Variants in PDS5B observed in about 807,000 individuals in gnomAD.
PDS5B encodes sister chromatid cohesion protein PDS5 homolog B.
In PDS5B, 51 loss-of-function variants were observed where a neutral mutation model predicts 184.1. That is an observed-to-expected ratio of 0.28 (90% CI 0.22 to 0.35). The LOEUF (loss-of-function observed/expected upper bound fraction) is 0.35, where lower values mean the gene tolerates loss of function less well. PDS5B is among the 10% of genes least tolerant of loss of function. The probability of loss-of-function intolerance (pLI) is 1.00; values close to 1 mark genes in which losing one functional copy is unlikely to be tolerated. For missense variants in PDS5B, 1,180 were observed against 1,723.3 expected (o/e 0.68, Z 5.58); for synonymous variants, 566 against 569.2 (o/e 0.99, Z 0.08).
intron 9 of PDS5B, among the ~76,000 whole-genome samples, chr13:32,678,498 C>T (rs1951132927): frequency 6.6e-6 from 1 of 152,154 alleles, no homozygotes; most frequent in Admixed American, 6.5e-5. Flanking sequence ...TTTCTATGAA[C>T]TATATATGCA....
chr13:32,618,076 C>A (rs926153488), intron 1 of PDS5B, among the ~76,000 whole-genome samples: 1 of 152,142 alleles, frequency 6.6e-6, no homozygotes, highest in African/African-American at 2.4e-5. Context: ...GATAGCCAAA[C>A]GCTGGCTGCC....
chr13:32,603,229 T>C (rs1236874618), intron 1 of PDS5B, among the ~76,000 whole-genome samples: 23 of 152,262 alleles, frequency 1.5e-4, no homozygotes, highest in Admixed American at 1.5e-3. Context: ...TGGTTTTAGG[T>C]CTAACATTTA....
intron 23 of PDS5B, 47 bp from the exon 24 acceptor site, chr13:32,745,930 A>G (rs1953727646): frequency 6.8e-7 from 1 of 1,471,104 alleles, no homozygotes; most frequent in Non-Finnish European, 9.4e-7. Flanking sequence ...AAGATTTTGT[A>G]CAAATATTTT....
At chr13:32,602,751 A>G (rs2140487167) in intron 1 of PDS5B, among the ~76,000 whole-genome samples, 1 of 152,226 alleles carries the variant, frequency 6.6e-6, no homozygotes, top group South Asian at 2.1e-4. Context: ...CATCCTCTCT[A>G]GCACCTGTTG....
Position 32,770,436 on chromosome 13 carries a change from G to C in PDS5B, c.3940G>C (p.Gly1314Arg), listed in dbSNP as rs990938133. The C allele has an allele frequency of 6.2e-7, 1 of 1,611,644 alleles. No homozygotes were observed. The highest frequency in any genetic ancestry group is 8.5e-7 in the Non-Finnish European group (1 of 1,179,108). Residue 1314 changes from glycine (G) to arginine (R), a missense_variant, in exon 32 of 35, where the codon GGA becomes CGA. Transcript: ENST00000315596. Reference protein sequence around the residue: ...EEPTMKTSKKGSKKKSGPPAP... With the variant: ...EEPTMKTSKKRSKKKSGPPAP... ...GCCAACAATGAAAACTTCTAAAAAA[G>C]GAAGCAAAAAAAAATCTGGACCTCC... is the stretch of plus-strand genomic sequence containing the variant.
intron 33 of PDS5B, among the ~76,000 whole-genome samples, chr13:32,772,946 G>A (rs1387733543): frequency 6.6e-6 from 1 of 152,034 alleles, no homozygotes; most frequent in Non-Finnish European, 1.5e-5. Context: ...GAAAGGAAGA[G>A]CAGACTTTAG....
chr13:32,773,094 G>C, intron 33 of PDS5B, 95 bp from the exon 34 acceptor site: 1 of 1,020,802 alleles, frequency 9.8e-7, no homozygotes, highest in Non-Finnish European at 1.4e-6. Flanking sequence ...GGGTAAAGAT[G>C]ATATGACGAT....
intron 8 of PDS5B, among the ~76,000 whole-genome samples, chr13:32,674,332 T>C (rs967450094): frequency 6.6e-6 from 1 of 152,184 alleles, no homozygotes; most frequent in South Asian, 2.1e-4. Flanking sequence ...CAGTCCACAT[T>C]GGTAATGTGA....
chr13:32,710,566 G>C (rs773897504), intron 19 of PDS5B, among the ~76,000 whole-genome samples: 17 of 152,216 alleles, frequency 1.1e-4, no homozygotes, highest in Non-Finnish European at 1.8e-4. Context: ...CTGTGTTCCA[G>C]TATTTCCCAT....
intron 19 of PDS5B, among the ~76,000 whole-genome samples, chr13:32,710,676 A>G (rs939912914): frequency 2.0e-5 from 3 of 152,182 alleles, no homozygotes; most frequent in South Asian, 4.1e-4. Flanking sequence ...TTACTTCTCT[A>G]TGTATATCTC....
At chr13:32,665,551 T>C (rs1464582756) in intron 6 of PDS5B, among the ~76,000 whole-genome samples, 1 of 117,396 alleles carries the variant, frequency 8.5e-6, no homozygotes, top group Non-Finnish European at 1.6e-5. Context: ...ATTGTTCCAC[T>C]GCACTCCATC....
intron 1 of PDS5B, among the ~76,000 whole-genome samples, chr13:32,645,230 G>A (rs1042204591): frequency 5.3e-5 from 8 of 152,160 alleles, no homozygotes; most frequent in Non-Finnish European, 1.2e-4. Context: ...CAGTCTTACT[G>A]CCTCAGCCTT....
chr13:32,589,033 G>C (rs749123596), intron 1 of PDS5B, among the ~76,000 whole-genome samples: 14 of 152,148 alleles, frequency 9.2e-5, no homozygotes, highest in Non-Finnish European at 1.8e-4. Context: ...GTATGATTTG[G>C]CATACGGACT....
At chr13:32,733,259 A>G (rs1953187733) in intron 20 of PDS5B, among the ~76,000 whole-genome samples, 1 of 152,166 alleles carries the variant, frequency 6.6e-6, no homozygotes, top group Non-Finnish European at 1.5e-5. Flanking sequence ...TTATCTTTAC[A>G]AGAACCTCTG....
intron 14 of PDS5B, among the ~76,000 whole-genome samples, chr13:32,695,406 A>T (rs1305757930): frequency 6.6e-6 from 1 of 151,966 alleles, no homozygotes; most frequent in East Asian, 1.9e-4. Context: ...TTAAATTAGT[A>T]TGTTTAGCCA....
At chr13:32,674,279 G>A (rs923375671) in intron 8 of PDS5B, among the ~76,000 whole-genome samples, 2 of 152,120 alleles carry the variant, frequency 1.3e-5, no homozygotes, top group Non-Finnish European at 2.9e-5. Flanking sequence ...GTTCTTAAAT[G>A]ATGTTTGTGT....
intron 21 of PDS5B, among the ~76,000 whole-genome samples, chr13:32,737,979 C>T (rs1484813330): frequency 2.0e-5 from 3 of 152,126 alleles, no homozygotes; most frequent in African/African-American, 7.2e-5. Flanking sequence ...ATATCATACC[C>T]TGTATAGTCT....
chr13:32,706,872 A>T, intron 17 of PDS5B, 62 bp from the exon 18 acceptor site: 1 of 980,216 alleles, frequency 1.0e-6, no homozygotes, highest in Non-Finnish European at 1.6e-6. Context: ...GTAACACAGG[A>T]TTATTTTTCT....
intron 1 of PDS5B, among the ~76,000 whole-genome samples, chr13:32,621,125 G>C (rs770968990): frequency 6.6e-6 from 1 of 152,192 alleles, no homozygotes; most frequent in African/African-American, 2.4e-5. Flanking sequence ...ATCTGTGTAT[G>C]TATGTTTATG....
Sources: allele counts gnomAD v4.1 joint callset (sites outside exome capture counted in the v4.1 genomes callset), GRCh38; gene constraint gnomAD v4.1.1; transcripts MANE v1.5; gene names NCBI Gene and HGNC (gene_info 2026-07-23, HGNC 2026-07-21).